The following YIPF6 variants were observed in gnomAD, a reference collection of about 807,000 sequenced individuals.
The protein encoded by YIPF6 is protein YIPF6.
YIPF6 carries 3 observed loss-of-function variants against 16.8 expected under a neutral mutation model. The observed-to-expected ratio is 0.18, with a 90% CI of 0.08 to 0.46. YIPF6 has a LOEUF of 0.46. YIPF6 is among the 20% of genes least tolerant of loss of function. The pLI is 0.98. For missense variants in YIPF6, 145 were observed against 184.9 expected, an observed-to-expected ratio of 0.78 and a Z score of 1.25; for synonymous variants, 67 against 61.9, an observed-to-expected ratio of 1.08 and a Z score of -0.38.
intron 2 of YIPF6, among the ~76,000 whole-genome samples, chrX:68,512,376 C>G (rs989845684): frequency 8.2e-5 from 9 of 109,316 alleles, no homozygotes; most frequent in African/African-American, 2.7e-4. Context: ...CGCTTGTCTC[C>G]GGGAGGCTGA....
intron 4 of YIPF6, 62 bp downstream of exon 4, chrX:68,518,874 C>A: frequency 9.5e-7 from 1 of 1,048,249 alleles, no homozygotes. Context: ...TGTGGATTTC[C>A]AAAATTGTGG....
chrX:68,508,136 A>G (rs1443189174), intron 1 of YIPF6, among the ~76,000 whole-genome samples: 3 of 103,679 alleles, frequency 2.9e-5, no homozygotes, highest in East Asian at 3.0e-4. Flanking sequence ...TTTTTGAGAC[A>G]GAGTCTCACT....
intron 1 of YIPF6, among the ~76,000 whole-genome samples, chrX:68,500,503 C>T (rs2079037263): frequency 9.0e-6 from 1 of 110,658 alleles, no homozygotes; most frequent in Non-Finnish European, 1.9e-5. Flanking sequence ...TTTGTAGAGA[C>T]GGGCTTTCAC....
chrX:68,513,335 T>C lies in YIPF6; in HGVS notation c.195T>C (p.Asp65=). The change falls in exon 3 of 7, where the codon GAT becomes GAC. Residue 65 remains aspartate (D), a synonymous_variant. Coordinates refer to ENST00000462683, the MANE Select transcript of YIPF6 (RefSeq NM_173834.4). The part of the protein sequence containing the change: ...NESVRNTIMR[D]LKAVGKKFMH... ...TTGTTTCTGTCTTTCAGATGCGTGA[T>C]CTAAAAGCTGTTGGGAAAAAATTCA... 8.3e-7 allele frequency: 1 copy of C among 1,206,477 alleles called. No individual in the cohort carries two copies. Among genetic ancestry groups the C allele is most frequent in the Non-Finnish European group, 1.1e-6 (1 of 893,106 alleles).
intron 3 of YIPF6, among the ~76,000 whole-genome samples, chrX:68,517,276 T>C (rs2079106740): frequency 8.9e-6 from 1 of 111,784 alleles, no homozygotes; most frequent in South Asian, 3.7e-4. Flanking sequence ...GCCTCCCAAG[T>C]AGCTGGGATT....
rs1414536320 is a variant in YIPF6 at position 68,535,540 on chromosome X, G to C, written c.*3541G>C. 1 of 111,848 alleles carries C rather than the reference G, an allele frequency of 8.9e-6. No homozygotes were observed. Among genetic ancestry groups the C allele is most frequent in the Non-Finnish European group, 1.9e-5 (1 of 53,232 alleles). The allele number at this position is 111,848 out of a possible 1,213,427, so 9.2% of individuals were successfully genotyped here. ...CTGAGACATTTGGATGGAAATAAAT[G>C]TATAAATGTTAATTCATGTATATAA... On this transcript the variant is annotated 3_prime_UTR_variant, in exon 7 of 7. Transcript: ENST00000462683.
intron 6 of YIPF6, among the ~76,000 whole-genome samples, chrX:68,528,850 G>A (rs1014020043): frequency 4.5e-5 from 5 of 112,045 alleles, no homozygotes; most frequent in African/African-American, 1.6e-4. Flanking sequence ...GAGATCAGCT[G>A]TTAGTCTGAT....
At chrX:68,520,722 G>A (rs758906381) in intron 4 of YIPF6, among the ~76,000 whole-genome samples, 2 of 111,603 alleles carry the variant, frequency 1.8e-5, no homozygotes, top group African/African-American at 3.3e-5. Context: ...TCTGCCTGTC[G>A]TGGCCTCCCA....
chrX:68,524,986 T>C (rs1324187951), intron 6 of YIPF6, among the ~76,000 whole-genome samples: 2 of 111,504 alleles, frequency 1.8e-5, no homozygotes, highest in Admixed American at 1.9e-4. Flanking sequence ...TGTGCATGTG[T>C]CTTTATAGTA....
At chrX:68,500,177 T>G (rs980188736) in intron 1 of YIPF6, among the ~76,000 whole-genome samples, 10 of 112,029 alleles carry the variant, frequency 8.9e-5, no homozygotes, top group African/African-American at 3.2e-4. Flanking sequence ...ATGGCATAAT[T>G]TATGTAACGT....
intron 5 of YIPF6, 47 bp from the exon 6 acceptor site, chrX:68,522,713 C>T: frequency 3.6e-6 from 4 of 1,122,163 alleles, no homozygotes; most frequent in Non-Finnish European, 4.8e-6. Flanking sequence ...TGTCATAACA[C>T]CCATCAGTTG....
At chrX:68,511,718 T>G in intron 1 of YIPF6, 131 bp from the exon 2 acceptor site, 26 of 673,910 alleles carry the variant, frequency 3.9e-5, no homozygotes, top group Non-Finnish European at 5.1e-5. Flanking sequence ...TAATGTCTGT[T>G]GAGCTAACAC....
At chrX:68,527,273 A>C in intron 6 of YIPF6, among the ~76,000 whole-genome samples, 1 of 112,160 alleles carries the variant, frequency 8.9e-6, no homozygotes, top group East Asian at 2.8e-4. Context: ...AGGTATTTAT[A>C]GTATTCTCTG....
At chrX:68,501,753 A>C (rs903134595) in intron 1 of YIPF6, among the ~76,000 whole-genome samples, 32 of 112,041 alleles carry the variant, frequency 2.9e-4, no homozygotes, top group African/African-American at 1.0e-3. Flanking sequence ...CTTTGGCTGA[A>C]GCACAGAGAA....
At chrX:68,515,485 C>T (rs947684759) in intron 3 of YIPF6, 1 of 111,767 alleles carries the variant, frequency 8.9e-6, no homozygotes, top group Non-Finnish European at 1.9e-5. Context: ...CAAAAGCACA[C>T]ACTTTGGTCT....
intron 1 of YIPF6, among the ~76,000 whole-genome samples, chrX:68,506,076 A>T (rs1032456906): frequency 9.1e-6 from 1 of 109,768 alleles, no homozygotes; most frequent in Non-Finnish European, 1.9e-5. Context: ...CTTATCTTTC[A>T]TAATCTTTTC....
chrX:68,531,779 G>C, intron 6 of YIPF6, 102 bp from the exon 7 acceptor site: 1 of 544,574 alleles, frequency 1.8e-6, no homozygotes, highest in Non-Finnish European at 3.0e-6. Context: ...GTAATTCTGT[G>C]TTCTAGATGA....
At chrX:68,506,237 A>G (rs2079059176) in intron 1 of YIPF6, among the ~76,000 whole-genome samples, 1 of 109,448 alleles carries the variant, frequency 9.1e-6, no homozygotes, top group Non-Finnish European at 1.9e-5. Flanking sequence ...GTGAGACTCC[A>G]TTTCAAAAAA....
chrX:68,515,791 C>T (rs1367807922), intron 3 of YIPF6, among the ~76,000 whole-genome samples: 1 of 110,947 alleles, frequency 9.0e-6, no homozygotes, highest in African/African-American at 3.3e-5. Flanking sequence ...ACCTCAGGCT[C>T]CCATGCCCGG....
Sources: allele counts gnomAD v4.1 joint callset (sites outside exome capture counted in the v4.1 genomes callset), GRCh38; gene constraint gnomAD v4.1.1; transcripts MANE v1.5; gene names NCBI Gene and HGNC (gene_info 2026-07-23, HGNC 2026-07-21).